The following TRIO variants were observed in gnomAD, a reference collection of about 807,000 sequenced individuals.
TRIO encodes triple functional domain protein.
Under a neutral mutation model 351.9 loss-of-function variants are expected in TRIO, and 58 were observed. The observed-to-expected ratio is 0.16, with a 90% CI of 0.13 to 0.21. The LOEUF is 0.21. TRIO is among the 10% of genes least tolerant of loss of function. The pLI, the probability that TRIO is intolerant of heterozygous loss-of-function variation, is 1.00. For synonymous variants in TRIO, 1,758 were observed against 1,595.7 expected, an observed-to-expected ratio of 1.10 and a Z score of -2.42; for missense variants, 3,201 against 4,027.8, an observed-to-expected ratio of 0.79 and a Z score of 5.56.
chr5:14,247,431 C>T (rs967694109), intron 1 of TRIO, among the ~76,000 whole-genome samples: 12 of 152,166 alleles, frequency 7.9e-5, no homozygotes, highest in African/African-American at 2.4e-4. Flanking sequence ...CTTACTAATT[C>T]GTATATCCTA....
rs1754666792 is a variant in TRIO, at chr5:14,471,321, C to T, written c.5767C>T (p.Leu1923=). Residue 1923 remains leucine, a synonymous_variant, in exon 38 of 57, where the codon CTG becomes TTG. Transcript: ENST00000344204. ...TGATTATGTCAATTTCTTCCAGGCACTGGAGGATCGCCCCAGCTCACTCCT... is the reference window on the plus strand; with the variant it reads ...TGATTATGTCAATTTCTTCCAGGCATTGGAGGATCGCCCCAGCTCACTCCT... ...IEELVKSKMA[L]EDRPSSLLVD... 1 of 1,613,796 alleles carries T rather than the reference C, an allele frequency of 6.2e-7. No individual in the cohort carries two copies. Among genetic ancestry groups the T allele is most frequent in the African/African-American group, 1.3e-5 (1 of 75,050 alleles).
At chr5:14,264,539 A>C (rs555310306) in intron 1 of TRIO, among the ~76,000 whole-genome samples, 1 of 152,306 alleles carries the variant, frequency 6.6e-6, no homozygotes, top group South Asian at 2.1e-4. Flanking sequence ...AAAATAATAT[A>C]AGCATTGTAT....
At position 14,359,510 on chromosome 5, in the gene TRIO, C is replaced by T. The variant is rs746498844; in HGVS notation, c.2370C>T (p.Ile790=). The T allele has an allele frequency of 4.3e-6, 7 of 1,614,076 alleles. No homozygotes were observed. The South Asian group carries it at 7.7e-5, about 18-fold the overall frequency. ...IKLELFLQLR[I]FERDAIDIIS... is the part of the protein sequence containing the mutation. ...TGGAGCTCTTCCTGCAGCTGCGCATCTTCGAGAGGGACGCCATCGACGTGA... is the reference window on the plus strand; with the variant it reads ...TGGAGCTCTTCCTGCAGCTGCGCATTTTCGAGAGGGACGCCATCGACGTGA... The change falls in exon 13 of 57, where the codon ATC becomes ATT. Residue 790 remains isoleucine (I), a synonymous_variant. Coordinates refer to ENST00000344204, the MANE Select transcript of TRIO (RefSeq NM_007118.4).
chr5:14,194,894 A>G (rs1213425448), intron 1 of TRIO, among the ~76,000 whole-genome samples: 1 of 152,192 alleles, frequency 6.6e-6, no homozygotes, highest in Non-Finnish European at 1.5e-5. Flanking sequence ...CGTTTGTTAT[A>G]CCACTTATAC....
rs151188454 is a variant in TRIO at position 14,336,215 on chromosome 5, C to T, written c.1855-321C>T. Among the ~76,000 whole-genome samples the T allele has an allele frequency of 1.9e-3, 294 of 152,248 alleles. 1 individual carries two copies. Among genetic ancestry groups the T allele is most frequent in the Non-Finnish European group, 2.5e-3 (171 of 68,022 alleles). On this transcript the variant is annotated intron_variant, in intron 10 of 56. Coordinates refer to ENST00000344204, the MANE Select transcript of TRIO (RefSeq NM_007118.4). ...GAAGCAGGCATTTGTTGCTGGGGGC[C>T]GTCTCCTGACTCCACCTTGGCAAAA...
chr5:14,384,689 C>G (rs1399823175), intron 21 of TRIO, among the ~76,000 whole-genome samples: 1 of 151,782 alleles, frequency 6.6e-6, no homozygotes, highest in Non-Finnish European at 1.5e-5. Context: ...GAAGAAATAA[C>G]AGGATATTTT....
chr5:14,358,332 T>TCATCCA lies in TRIO; in HGVS notation c.2202_2207dup (p.Ile735_Gln736insHisIle). The TCATCCA allele has an allele frequency of 6.2e-7, 1 of 1,614,092 alleles. No homozygotes were observed. Among genetic ancestry groups the TCATCCA allele is most frequent in the Non-Finnish European group, 8.5e-7 (1 of 1,179,964 alleles). On this transcript the variant is annotated inframe_insertion, in exon 12 of 57. Transcript: ENST00000344204. ...AACGTGATCAAGGAAGGGGAGGACCTCATCCAGCAGCTCAGGTGGGCCTCA... is the reference window on the plus strand; with the variant it reads ...AACGTGATCAAGGAAGGGGAGGACCTCATCCACATCCAGCAGCTCAGGTGGGCCTCA...
Position 14,368,730 on chromosome 5 carries a change from A to C in TRIO, c.2897A>C (p.Gln966Pro), listed in dbSNP as rs1412943132. The stretch of plus-strand genomic sequence containing the variant: ...TAGAAAACACATCAGAGCGCGCTGC[A>C]GGTGCAGCAGAAGGCAGAAGCCATG... ...AIEKTHQSAL[Q>P]VQQKAEAMLQ... The change falls in exon 17 of 57, where the codon CAG becomes CCG. Residue 966 changes from glutamine to proline, a missense_variant. By Grantham distance (76) the Gln-to-Pro change is moderately conservative (BLOSUM62 -1). Around this residue, in one of 19 missense-constraint regions of TRIO, gnomAD observed 363 missense variants for 553.5 expected, o/e 0.66. Transcript: ENST00000344204. 1 of 1,613,918 alleles carries C rather than the reference A, an allele frequency of 6.2e-7. No homozygotes were observed.
chr5:14,454,938 G>A (rs893425391), intron 34 of TRIO, among the ~76,000 whole-genome samples: 28 of 152,082 alleles, frequency 1.8e-4, no homozygotes, highest in African/African-American at 6.8e-4. Flanking sequence ...TGAAGCTGCA[G>A]ACCTTCGCGG....
At chr5:14,204,034 T>C (rs1561198184) in intron 1 of TRIO, among the ~76,000 whole-genome samples, 1 of 152,184 alleles carries the variant, frequency 6.6e-6, no homozygotes, top group South Asian at 2.1e-4. Context: ...AGGATCCTGA[T>C]GGATGTCTCA....
intron 11 of TRIO, among the ~76,000 whole-genome samples, chr5:14,357,597 G>A (rs571742935): frequency 2.5e-4 from 38 of 152,036 alleles, no homozygotes; most frequent in Non-Finnish European, 4.6e-4. Context: ...TTGAAGGCCC[G>A]AACTGTTGGC....
At chr5:14,238,237 C>T (rs1581419977) in intron 1 of TRIO, among the ~76,000 whole-genome samples, 1 of 152,316 alleles carries the variant, frequency 6.6e-6, no homozygotes, top group Admixed American at 6.5e-5. Flanking sequence ...GGTGAACTGA[C>T]TACTGCATGC....
At chr5:14,263,002 T>C (rs912031587) in intron 1 of TRIO, among the ~76,000 whole-genome samples, 1 of 152,208 alleles carries the variant, frequency 6.6e-6, no homozygotes, top group African/African-American at 2.4e-5. Flanking sequence ...TGTTTTTGTT[T>C]GTCTACATCT....
rs1741444211 is a variant in TRIO, at chr5:14,336,644, C to T, written c.1963C>T (p.Arg655Trp). 1 of 1,614,200 alleles carries T rather than the reference C, an allele frequency of 6.2e-7. No individual in the cohort carries two copies. The highest frequency in any genetic ancestry group is 8.5e-7 in the Non-Finnish European group (1 of 1,180,040). ...IYQAAHQLED[R>W]IQDFVRRVEQ... ...TCAGGCTGCCCATCAGCTGGAAGAC[C>T]GGATTCAAGATTTCGTTCGGCGTGT... Residue 655 changes from arginine to tryptophan, a missense_variant, in exon 11 of 57, where the codon CGG (arginine) becomes TGG (tryptophan). By Grantham distance (101) the Arg-to-Trp change is moderately radical. Transcript: ENST00000344204.
At chr5:14,307,867 CCTTT>C (rs1738515820) in intron 8 of TRIO, among the ~76,000 whole-genome samples, 2 of 152,120 alleles carry the variant, frequency 1.3e-5, no homozygotes, top group South Asian at 2.1e-4. Context: ...AGCTGTATTT[CCTTT>C]CTCTTTTGTT....
chr5:14,460,726 C>T (rs1374359231), intron 34 of TRIO, among the ~76,000 whole-genome samples: 3 of 152,190 alleles, frequency 2.0e-5, no homozygotes, highest in African/African-American at 7.2e-5. Context: ...TGAATGACAT[C>T]TTAAATCTGG....
chr5:14,400,090 A>G (rs1451387080), intron 30 of TRIO, among the ~76,000 whole-genome samples: 2 of 152,222 alleles, frequency 1.3e-5, no homozygotes, highest in Non-Finnish European at 2.9e-5. Context: ...GATGGTTTTC[A>G]TACCATTTTG....
intron 1 of TRIO, among the ~76,000 whole-genome samples, chr5:14,245,925 T>C (rs1794411465): frequency 6.6e-6 from 1 of 152,194 alleles, no homozygotes; most frequent in South Asian, 2.1e-4. Flanking sequence ...GTTGAATATT[T>C]TTGATGTCTA....
rs746634561 is a variant in TRIO at position 14,405,940 on chromosome 5, G to T, written c.4809G>T (p.Glu1603Asp). The T allele has an allele frequency of 3.1e-6, 5 of 1,612,016 alleles. No homozygotes were observed. Among genetic ancestry groups the T allele is most frequent in the Non-Finnish European group, 4.2e-6 (5 of 1,179,816 alleles). ...TCCACCTGAAGGGAGCCCTGAAGGA[G>T]CCCATTCACATCCCTAAGACCGCTC... The part of the protein sequence containing the change: ...RTIHLKGALK[E>D]PIHIPKTAPA... Residue 1603 changes from glutamate to aspartate, a missense_variant, in exon 32 of 57, where the codon GAG becomes GAT. Glu to Asp is a conservative substitution (Grantham distance 45). Around this residue, in one of 19 missense-constraint regions of TRIO, gnomAD observed 136 missense variants for 229.5 expected, o/e 0.59. Transcript: ENST00000344204.
Sources: allele counts gnomAD v4.1 joint callset (sites outside exome capture counted in the v4.1 genomes callset), GRCh38; gene constraint gnomAD v4.1.1; regional missense constraint gnomAD v4.1.1; transcripts MANE v1.5; gene names NCBI Gene and HGNC (gene_info 2026-07-23, HGNC 2026-07-21).